The following DENND2A variants were observed in gnomAD, a reference collection of about 807,000 sequenced individuals.
The protein encoded by DENND2A is DENN domain-containing protein 2A.
DENND2A carries 53 observed loss-of-function variants against 105.3 expected under a neutral mutation model. The ratio of observed to expected loss-of-function variants is 0.50; its 90% confidence interval spans 0.40 to 0.63. The LOEUF (loss-of-function observed/expected upper bound fraction) is 0.63, where lower values mean the gene tolerates loss of function less well. Among genes scored for constraint, DENND2A ranks in the 30% least tolerant of loss-of-function variants. The probability of loss-of-function intolerance (pLI) is 0.00; values close to 1 mark genes in which losing one functional copy is unlikely to be tolerated. For missense variants in DENND2A, 1,138 were observed against 1,279.6 expected, an observed-to-expected ratio of 0.89 and a Z score of 1.69; for synonymous variants, 522 against 508.4, an observed-to-expected ratio of 1.03 and a Z score of -0.36.
intron 1 of DENND2A, among the ~76,000 whole-genome samples, chr7:140,611,553 A>G (rs1210079984): frequency 2.0e-5 from 3 of 152,158 alleles, no homozygotes; most frequent in African/African-American, 7.2e-5. Context: ...AAATAAATAC[A>G]TAAATATAAA....
intron 3 of DENND2A, among the ~76,000 whole-genome samples, chr7:140,592,093 A>G (rs1400067265): frequency 7.6e-6 from 1 of 132,110 alleles, no homozygotes; most frequent in African/African-American, 2.9e-5. Context: ...GGCTCTTGTC[A>G]CCCAGGTGCA....
intron 5 of DENND2A, among the ~76,000 whole-genome samples, chr7:140,580,288 GGCATGTATGTAT>G (rs774040056): frequency 5.3e-4 from 67 of 125,552 alleles, no homozygotes; most frequent in Non-Finnish European, 7.7e-4. Flanking sequence ...AAAAAAGAAA[GGCATGTATGTAT>G]GCATGTATGT....
chr7:140,528,838 G>A (rs764531113), intron 14 of DENND2A, among the ~76,000 whole-genome samples: 5 of 151,864 alleles, frequency 3.3e-5, no homozygotes, highest in Non-Finnish European at 5.9e-5. Flanking sequence ...ATTGGGAGAG[G>A]CCAGGCACAG....
At chr7:140,589,641 A>T (rs1798928406) in intron 3 of DENND2A, among the ~76,000 whole-genome samples, 1 of 151,986 alleles carries the variant, frequency 6.6e-6, no homozygotes. Context: ...AGCTCTATTT[A>T]TTTTTAGAAA....
At chr7:140,588,456 G>A (rs1414832357) in intron 3 of DENND2A, among the ~76,000 whole-genome samples, 1 of 152,126 alleles carries the variant, frequency 6.6e-6, no homozygotes, top group African/African-American at 2.4e-5. Context: ...GCCCATTTAT[G>A]TAGTTCATCC....
chr7:140,640,529 G>A lies in DENND2A; in HGVS notation c.-273C>T, dbSNP rs2130754008. On this transcript the variant is annotated 5_prime_UTR_variant, in exon 1 of 20. Coordinates refer to ENST00000496613, the MANE Select transcript of DENND2A (RefSeq NM_015689.5). The surrounding 1 kb of genome is among the most constrained non-coding windows in gnomAD (Gnocchi z 4.9). ...CTCCCCGCGGGCGGCGGCTCCGCGG[G>A]CTCTGGGGCGCATCTTGGGGGCTCC... 1 of 151,400 alleles carries A rather than the reference G, an allele frequency of 6.6e-6. No individual in the cohort carries two copies. The highest frequency in any genetic ancestry group is 6.6e-5 in the Admixed American group (1 of 15,160). 9.4% of individuals were successfully genotyped at this position (151,400 alleles called of 1,614,324 possible). A position where few individuals can be genotyped will look rare whatever the true frequency, so the allele number is the denominator to read the frequency against.
chr7:140,622,801 G>C (rs1800344850), intron 1 of DENND2A, among the ~76,000 whole-genome samples: 1 of 152,058 alleles, frequency 6.6e-6, no homozygotes, highest in Admixed American at 6.6e-5. Flanking sequence ...AGAACTTCTG[G>C]ACTCAGGGGA....
intron 1 of DENND2A, among the ~76,000 whole-genome samples, chr7:140,619,066 G>A (rs1264666707): frequency 1.3e-5 from 2 of 152,132 alleles, no homozygotes; most frequent in African/African-American, 2.4e-5. Context: ...CCAAAGTGCT[G>A]GGATTACAGG....
chr7:140,592,043 C>CT (rs541459225), intron 3 of DENND2A, among the ~76,000 whole-genome samples: 24 of 107,394 alleles, frequency 2.2e-4, no homozygotes, highest in South Asian at 3.4e-4. Flanking sequence ...TTTTCTTCTT[C>CT]TTTTTTTTTT....
intron 6 of DENND2A, among the ~76,000 whole-genome samples, chr7:140,571,307 T>C (rs1585660767): frequency 1.3e-5 from 2 of 151,982 alleles, no homozygotes; most frequent in East Asian, 3.9e-4. Flanking sequence ...TACAGGTGTG[T>C]GCCACCATGC....
At chr7:140,625,507 C>T (rs1359692074) in intron 1 of DENND2A, among the ~76,000 whole-genome samples, 1 of 152,142 alleles carries the variant, frequency 6.6e-6, no homozygotes, top group Non-Finnish European at 1.5e-5. Context: ...TGGTGAAACC[C>T]TGTCTCTATT....
intron 14 of DENND2A, among the ~76,000 whole-genome samples, chr7:140,539,443 G>A (rs1796570085): frequency 6.6e-6 from 1 of 152,166 alleles, no homozygotes; most frequent in Non-Finnish European, 1.5e-5. Flanking sequence ...TAGCCTGACT[G>A]CTGAGCACAA....
intron 5 of DENND2A, among the ~76,000 whole-genome samples, chr7:140,585,260 T>A (rs1332095988): frequency 6.6e-6 from 1 of 152,236 alleles, no homozygotes. Flanking sequence ...CTGTTCTACA[T>A]CATGCCTTTC....
At chr7:140,636,434 G>A (rs753004620) in intron 1 of DENND2A, among the ~76,000 whole-genome samples, 2 of 152,258 alleles carry the variant, frequency 1.3e-5, no homozygotes, top group East Asian at 1.9e-4. Flanking sequence ...GAGACTGTGC[G>A]GAACGCCAGG....
intron 1 of DENND2A, among the ~76,000 whole-genome samples, chr7:140,613,401 G>A (rs1186258956): frequency 2.7e-5 from 4 of 150,726 alleles, no homozygotes; most frequent in East Asian, 2.0e-4. Flanking sequence ...TTAGCCGAGC[G>A]TGGTGGTGTG....
rs1800175923 is a variant in DENND2A, at chr7:140,618,795, A to G, written c.-247-12989T>C. ...TGTTTTTTTACGGTTGTATGATTAT[A>G]TATTTCCTTTTTTTTTTTCTTTTTC... On this transcript the variant is annotated intron_variant, in intron 1 of 19. Transcript: ENST00000496613. 2.0e-5 allele frequency among the ~76,000 whole-genome samples: 3 copies of G among 151,502 alleles called. No individual in the cohort carries two copies. The South Asian group carries it at 6.2e-4, about 32-fold the overall frequency.
At chr7:140,624,265 C>T (rs756693578) in intron 1 of DENND2A, among the ~76,000 whole-genome samples, 2 of 152,196 alleles carry the variant, frequency 1.3e-5, no homozygotes, top group Non-Finnish European at 2.9e-5. Flanking sequence ...CCCTTGTGAT[C>T]CAGTGGGTTA....
intron 5 of DENND2A, among the ~76,000 whole-genome samples, chr7:140,575,886 T>C (rs1798278246): frequency 6.6e-6 from 1 of 151,916 alleles, no homozygotes; most frequent in Admixed American, 6.6e-5. Context: ...GGATAATTGC[T>C]TGAAGCCAGG....
chr7:140,573,141 C>A (rs1247238759), intron 6 of DENND2A, among the ~76,000 whole-genome samples: 5 of 152,152 alleles, frequency 3.3e-5, no homozygotes, highest in Non-Finnish European at 5.9e-5. Context: ...AGGGCTCCCA[C>A]GTACTTGTAA....
Sources: gnomAD v4.1 joint callset for allele counts (sites outside exome capture counted in the v4.1 genomes callset) on GRCh38, gnomAD v4.1.1 for gene constraint, Gnocchi (gnomAD v3.1) non-coding constraint, MANE v1.5 for transcripts, NCBI Gene and HGNC (gene_info 2026-07-23, HGNC 2026-07-21) for gene names.